COLEC10: variants seen among roughly 807,000 people sequenced by gnomAD.
COLEC10 encodes the protein collectin subfamily member 10, also known as collectin-10.
COLEC10 carries 22 observed loss-of-function variants against 28.4 expected under a neutral mutation model. That is an observed-to-expected ratio of 0.78 (90% CI 0.55 to 1.11). The LOEUF (loss-of-function observed/expected upper bound fraction) is 1.11. COLEC10 is among the 50% of genes least tolerant of loss of function. COLEC10 has a pLI of 0.00. For missense variants in COLEC10, 361 were observed against 344.1 expected, an observed-to-expected ratio of 1.05 and a Z score of -0.39; for synonymous variants, 125 against 116.1, an observed-to-expected ratio of 1.08 and a Z score of -0.49.
chr8:119,071,091 C>T (rs1446593574), intron 1 of COLEC10, among the ~76,000 whole-genome samples: 1 of 152,088 alleles, frequency 6.6e-6, no homozygotes, highest in African/African-American at 2.4e-5. Flanking sequence ...AATACAGTCC[C>T]CCAGTCACAT....
At chr8:119,014,676 G>C (rs923371458) in intron 2 of COLEC10, among the ~76,000 whole-genome samples, 5 of 150,878 alleles carry the variant, frequency 3.3e-5, no homozygotes, top group Non-Finnish European at 7.4e-5. Context: ...CTTATCCTTT[G>C]GGTATATCCA....
chr8:119,022,255 T>A (rs927251657), intron 2 of COLEC10, among the ~76,000 whole-genome samples: 4 of 152,144 alleles, frequency 2.6e-5, no homozygotes, highest in Admixed American at 6.6e-5. Context: ...CCAGATCATT[T>A]AAGGAGGGCA....
At chr8:119,047,654 T>A (rs1378407167) in intron 2 of COLEC10, among the ~76,000 whole-genome samples, 2 of 152,164 alleles carry the variant, frequency 1.3e-5, no homozygotes, top group African/African-American at 4.8e-5. Context: ...AATATGTAAA[T>A]GCAGGTAATT....
chr8:118,962,374 G>A, the COLEC10 span, among the ~76,000 whole-genome samples: 1 of 152,154 alleles, frequency 6.6e-6, no homozygotes, highest in Non-Finnish European at 1.5e-5. Flanking sequence ...TCATCACCAA[G>A]GCTTTAATGA....
Position 119,051,308 on chromosome 8 carries a change from A to G in COLEC10, n.236-38372A>G, listed in dbSNP as rs569389738. Reference sequence around the variant, plus strand: ...TTCCTTTTTTAGTGATAAAATCACCAATATAGCAAATTAGAAAATCTAAAT... The same window carrying G: ...TTCCTTTTTTAGTGATAAAATCACCGATATAGCAAATTAGAAAATCTAAAT... On this transcript the variant is annotated intron_variant and non_coding_transcript_variant, in intron 2 of 6. Transcript: ENST00000521788. Among the ~76,000 whole-genome samples, 482 of 152,326 alleles carry G rather than the reference A, an allele frequency of 3.2e-3. 1 individual carries two copies. The highest frequency in any genetic ancestry group is 0.011 in the African/African-American group (446 of 41,564).
intron 2 of COLEC10, among the ~76,000 whole-genome samples, chr8:119,039,711 T>A (rs1161109380): frequency 6.6e-6 from 1 of 152,222 alleles, no homozygotes; most frequent in Non-Finnish European, 1.5e-5. Flanking sequence ...GGACATTCCA[T>A]TTCCTTGCCT....
intron 1 of COLEC10, among the ~76,000 whole-genome samples, chr8:119,087,558 C>T (rs1374684695): frequency 6.6e-6 from 1 of 152,156 alleles, no homozygotes; most frequent in South Asian, 2.1e-4. Context: ...TTATGCTACC[C>T]CATCCCAAGG....
chr8:119,046,816 A>G (rs1390799481), intron 2 of COLEC10, among the ~76,000 whole-genome samples: 3 of 152,238 alleles, frequency 2.0e-5, no homozygotes, highest in Non-Finnish European at 2.9e-5. Context: ...AATGGATTCC[A>G]GCATGGTGTT....
At chr8:119,030,541 G>T (rs4495458) in intron 2 of COLEC10, among the ~76,000 whole-genome samples, 102,827 of 151,878 alleles carry the variant, frequency 0.68, 36,771 homozygotes, top group African/African-American at 0.92. Context: ...GCTCTGAAGT[G>T]TGAATCCTGG....
intron 3 of COLEC10, among the ~76,000 whole-genome samples, chr8:119,093,937 G>A (rs772502399): frequency 6.6e-6 from 1 of 152,212 alleles, no homozygotes; most frequent in Non-Finnish European, 1.5e-5. Flanking sequence ...CAGTTTTGGA[G>A]TGGATACAAG....
intron 3 of COLEC10, among the ~76,000 whole-genome samples, chr8:119,093,964 T>C (rs140385907): frequency 6.6e-6 from 1 of 152,320 alleles, no homozygotes; most frequent in African/African-American, 2.4e-5. Context: ...GGGAGCTAGC[T>C]AAGAGGAGCT....
chr8:119,033,634 A>G (rs888369626), intron 2 of COLEC10, among the ~76,000 whole-genome samples: 5 of 151,882 alleles, frequency 3.3e-5, no homozygotes, highest in Non-Finnish European at 5.9e-5. Context: ...ACAAACATGA[A>G]AAAAACCTCA....
rs570738212 is a variant in COLEC10 at position 119,072,576 on chromosome 8, G to A, written c.148+5147G>A. ...TAAAACCCAGTTAAGTTCTAGTTGG[G>A]CCCTATGTTCCAATCAACCTGCTAA... is the stretch of plus-strand genomic sequence containing the variant. On this transcript the variant is annotated intron_variant, in intron 1 of 5. Transcript: ENST00000332843. Among the ~76,000 whole-genome samples the A allele has an allele frequency of 1.4e-4, 22 of 152,250 alleles. No individual in the cohort carries two copies. The South Asian group carries it at 4.6e-3, about 32-fold the overall frequency.
chr8:118,965,022 T>C, the COLEC10 span, among the ~76,000 whole-genome samples: 1 of 152,196 alleles, frequency 6.6e-6, no homozygotes, highest in African/African-American at 2.4e-5. Flanking sequence ...TCATAGGGCA[T>C]TGATGTCTCA....
At chr8:118,952,381 G>C in the COLEC10 span, among the ~76,000 whole-genome samples, 2 of 152,224 alleles carry the variant, frequency 1.3e-5, no homozygotes, top group Admixed American at 1.3e-4. Context: ...CGAAAGCTGT[G>C]AGTTTCCGCC....
At chr8:119,008,734 A>G (rs1243603617) in intron 1 of COLEC10, among the ~76,000 whole-genome samples, 2 of 150,852 alleles carry the variant, frequency 1.3e-5, no homozygotes, top group Non-Finnish European at 2.9e-5. Flanking sequence ...AATCTTGAGA[A>G]AGTTACTAGG....
At chr8:119,075,549 C>A (rs1815209895) in intron 1 of COLEC10, among the ~76,000 whole-genome samples, 1 of 152,138 alleles carries the variant, frequency 6.6e-6, no homozygotes, top group South Asian at 2.1e-4. Context: ...GAGTTTAGGT[C>A]TCTTGTGATC....
At chr8:119,075,892 C>CTTTTT (rs35870985) in intron 1 of COLEC10, among the ~76,000 whole-genome samples, 75 of 82,418 alleles carry the variant, frequency 9.1e-4, no homozygotes, top group African/African-American at 1.2e-3. Context: ...TCAGCCATAT[C>CTTTTT]TTTTTTTTTT....
At chr8:119,008,010 ATTAT>A (rs1323061857) in intron 1 of COLEC10, among the ~76,000 whole-genome samples, 1 of 150,950 alleles carries the variant, frequency 6.6e-6, no homozygotes, top group Non-Finnish European at 1.5e-5. Context: ...CAAAAAAATT[ATTAT>A]TTAACTTGAT....
Sources: gnomAD v4.1 joint callset for allele counts (sites outside exome capture counted in the v4.1 genomes callset) on GRCh38, gnomAD v4.1.1 for gene constraint, MANE v1.5 for transcripts, NCBI Gene and HGNC (gene_info 2026-07-23, HGNC 2026-07-21) for gene names.